The following P2RY8 variants were observed in gnomAD, a reference collection of about 807,000 sequenced individuals.
The protein encoded by P2RY8 is P2Y receptor family member 8.
P2RY8 carries 6 observed loss-of-function variants against 10.0 expected under a neutral mutation model. That is an observed-to-expected ratio of 0.60 (90% CI 0.33 to 1.19). P2RY8 has a LOEUF of 1.19. P2RY8 is among the 50% of genes most tolerant of loss of function. The pLI is 0.04. For synonymous variants in P2RY8, 276 were observed against 252.5 expected (o/e 1.09, Z -0.88); for missense variants, 456 against 542.0 (o/e 0.84, Z 1.58).
intron 1 of P2RY8, among the ~76,000 whole-genome samples, chrX:1,509,196 T>TATCTATCC (rs1167173236): frequency 3.0e-5 from 4 of 134,464 alleles, no homozygotes; most frequent in African/African-American, 1.1e-4. Flanking sequence ...TCTATCCATC[T>TATCTATCC]ATGTATCTAC....
intron 1 of P2RY8, among the ~76,000 whole-genome samples, chrX:1,507,540 CAT>C (rs1400367909): frequency 1.3e-4 from 20 of 152,162 alleles, no homozygotes; most frequent in African/African-American, 4.6e-4. Context: ...TGGGGTAGCT[CAT>C]GAGTCCCTGC....
intron 1 of P2RY8, among the ~76,000 whole-genome samples, chrX:1,496,605 T>A (rs2092118878): frequency 6.6e-6 from 1 of 151,934 alleles, no homozygotes; most frequent in Non-Finnish European, 1.5e-5. Flanking sequence ...CTTAAAACAT[T>A]CAGTCAGCCG....
At chrX:1,517,963 G>T (rs1316206588) in intron 1 of P2RY8, among the ~76,000 whole-genome samples, 1 of 151,084 alleles carries the variant, frequency 6.6e-6, no homozygotes, top group East Asian at 1.9e-4. Context: ...ACAAAAATTA[G>T]CTGGGCGTGG....
chrX:1,483,619 A>T (rs1170105286), intron 1 of P2RY8, among the ~76,000 whole-genome samples: 2 of 152,012 alleles, frequency 1.3e-5, no homozygotes, highest in Non-Finnish European at 2.9e-5. Flanking sequence ...GGGCAACAAG[A>T]ACAAAACTTT....
chrX:1,533,680 T>C (rs1455903561), intron 1 of P2RY8, among the ~76,000 whole-genome samples: 2 of 126,454 alleles, frequency 1.6e-5, no homozygotes, highest in African/African-American at 6.4e-5. Flanking sequence ...ATATTTTATA[T>C]TTATATATTA....
In P2RY8 at chrX:1,486,380, A is replaced by T. The variant is rs1603456871; in HGVS notation, c.-24-19798T>A. Among the ~76,000 whole-genome samples the T allele has an allele frequency of 6.6e-5, 10 of 152,222 alleles. No homozygotes were observed. The South Asian group carries it at 2.1e-3, about 32-fold the overall frequency. On this transcript the variant is annotated intron_variant, in intron 1 of 1. Transcript: ENST00000381297. ...CCATGCACACAGTGGAATAGTATAC[A>T]GCCATGAAAAGGAAGAAGGCTGTGA...
intron 1 of P2RY8, among the ~76,000 whole-genome samples, chrX:1,495,736 GGA>G (rs1160209883): frequency 1.1e-5 from 1 of 92,432 alleles, no homozygotes; most frequent in African/African-American, 3.1e-5. Flanking sequence ...TCCAAGCCCA[GGA>G]GAGAGGCCTC....
At chrX:1,500,048 C>T (rs1243642614) in intron 1 of P2RY8, among the ~76,000 whole-genome samples, 3 of 130,650 alleles carry the variant, frequency 2.3e-5, no homozygotes, top group East Asian at 2.4e-4. Flanking sequence ...TTAGTAGAGA[C>T]GGGGTTTCAC....
At position 1,463,119 on chromosome X, in the gene P2RY8, T is replaced by C. The variant is rs2091609378; in HGVS notation, c.*2360A>G. On this transcript the variant is annotated 3_prime_UTR_variant, in exon 2 of 2. Transcript: ENST00000381297. ...TCTCATTTTTGTTTACAAGGCAGTTTAGGGATCGTCCGTGCGTTACTGTGA... is the reference window on the plus strand; with the variant it reads ...TCTCATTTTTGTTTACAAGGCAGTTCAGGGATCGTCCGTGCGTTACTGTGA... 4.3e-6 allele frequency: 1 copy of C among 233,070 alleles called. No homozygotes were observed. Among genetic ancestry groups the C allele is most frequent in the African/African-American group, 2.2e-5 (1 of 45,314 alleles). The allele number at this position is 233,070 out of a possible 1,614,324, so 14.4% of individuals were successfully genotyped here. A position where few individuals can be genotyped will look rare whatever the true frequency, so the allele number is the denominator to read the frequency against.
Position 1,528,490 on chromosome X carries a change from T to C in P2RY8, c.-25+8431A>G, listed in dbSNP as rs147319742. ...ACTCAAAGTCTTGCATTCATCCTCATACGACATCTTCAAAACCACTTTAAA... is the reference window on the plus strand; with the variant it reads ...ACTCAAAGTCTTGCATTCATCCTCACACGACATCTTCAAAACCACTTTAAA... On this transcript the variant is annotated intron_variant, in intron 1 of 1. Coordinates refer to ENST00000381297, the MANE Select transcript of P2RY8 (RefSeq NM_178129.5). Among the ~76,000 whole-genome samples, 1,024 of 152,322 alleles carry C rather than the reference T, an allele frequency of 6.7e-3. 12 individuals carry two copies. Among genetic ancestry groups the C allele is most frequent in the African/African-American group, 0.023 (972 of 41,556 alleles).
chrX:1,530,163 TC>T (rs1569538868), intron 1 of P2RY8, among the ~76,000 whole-genome samples: 153 of 5,412 alleles, frequency 0.028, no homozygotes, highest in African/African-American at 0.035. Flanking sequence ...GTATGATCTA[TC>T]TATCTATCTA....
intron 1 of P2RY8, among the ~76,000 whole-genome samples, chrX:1,489,421 A>G (rs1164605612): frequency 6.6e-6 from 1 of 152,162 alleles, no homozygotes; most frequent in African/African-American, 2.4e-5. Flanking sequence ...TCACTTCCGT[A>G]AATGTAGAGA....
At chrX:1,512,839 TATTA>T (rs1246901582) in intron 1 of P2RY8, among the ~76,000 whole-genome samples, 3 of 3,604 alleles carry the variant, frequency 8.3e-4, no homozygotes, top group African/African-American at 8.9e-4. Flanking sequence ...ATGTGGAAAT[TATTA>T]TTATTATTAT....
intron 1 of P2RY8, among the ~76,000 whole-genome samples, chrX:1,470,048 T>C (rs1336501550): frequency 6.6e-6 from 1 of 151,854 alleles, no homozygotes; most frequent in African/African-American, 2.4e-5. Context: ...TCCAGAACCA[T>C]TTTTATCCCT....
chrX:1,534,639 C>T (rs2092511335), intron 1 of P2RY8, among the ~76,000 whole-genome samples: 1 of 152,042 alleles, frequency 6.6e-6, no homozygotes. Flanking sequence ...TGCCCAGACA[C>T]AGCCAATGAG....
chrX:1,531,930 C>T (rs1234835559), intron 1 of P2RY8, among the ~76,000 whole-genome samples: 1 of 152,014 alleles, frequency 6.6e-6, no homozygotes, highest in Non-Finnish European at 1.5e-5. Flanking sequence ...GTGGATGTGG[C>T]GAACAGGGAA....
At chrX:1,532,023 A>G (rs1432096786) in intron 1 of P2RY8, among the ~76,000 whole-genome samples, 4 of 152,304 alleles carry the variant, frequency 2.6e-5, no homozygotes, top group East Asian at 3.9e-4. Flanking sequence ...AGCTAAATGT[A>G]GAACTACCAT....
intron 1 of P2RY8, among the ~76,000 whole-genome samples, chrX:1,514,345 CTT>C: frequency 2.7e-5 from 4 of 150,424 alleles, no homozygotes; most frequent in African/African-American, 1.0e-4. Flanking sequence ...CTTTCCTTCC[CTT>C]CCCTTTTATT....
At chrX:1,528,985 G>A (rs1310461619) in intron 1 of P2RY8, among the ~76,000 whole-genome samples, 2 of 152,146 alleles carry the variant, frequency 1.3e-5, no homozygotes, top group Non-Finnish European at 2.9e-5. Flanking sequence ...TTGTTGCATG[G>A]GACAGTATAA....
Sources: gnomAD v4.1 joint callset for allele counts (sites outside exome capture counted in the v4.1 genomes callset) on GRCh38, gnomAD v4.1.1 for gene constraint, MANE v1.5 for transcripts, NCBI Gene and HGNC (gene_info 2026-07-23, HGNC 2026-07-21) for gene names.